FSTL4: variants seen among roughly 807,000 people sequenced by gnomAD.
The protein encoded by FSTL4 is follistatin like 4, also known as follistatin-related protein 4.
Under a neutral mutation model 78.2 loss-of-function variants are expected in FSTL4, and 28 were observed. That is an observed-to-expected ratio of 0.36 (90% CI 0.27 to 0.49). The LOEUF is 0.49. Among genes scored for constraint, FSTL4 ranks in the 20% least tolerant of loss-of-function variants. The probability of loss-of-function intolerance (pLI) is 0.98; values close to 1 mark genes in which losing one functional copy is unlikely to be tolerated. For missense variants in FSTL4, 922 were observed against 1,084.9 expected, an observed-to-expected ratio of 0.85 and a Z score of 2.11; for synonymous variants, 422 against 440.5, an observed-to-expected ratio of 0.96 and a Z score of 0.53.
At chr5:133,764,883 G>A in the FSTL4 span, among the ~76,000 whole-genome samples, 1 of 152,214 alleles carries the variant, frequency 6.6e-6, no homozygotes, top group Non-Finnish European at 1.5e-5. Flanking sequence ...TATGCATTCT[G>A]GAATGTGAAC....
chr5:133,199,201 G>A lies in FSTL4; in HGVS notation c.2423C>T (p.Pro808Leu). The A allele has an allele frequency of 6.2e-7, 1 of 1,612,972 alleles. No individual in the cohort carries two copies. Among genetic ancestry groups the A allele is most frequent in the Non-Finnish European group, 8.5e-7 (1 of 1,179,136 alleles). The part of the protein sequence containing the change: ...SGLFGQYLLT[P>L]ARESLFLING... ...GATGAGGAACAGTGACTCTCGGGCT[G>A]GTGTGAGGAGGTACTGTCCAAACAG... Residue 808 changes from proline (P) to leucine (L), a missense_variant, in exon 16 of 16, where the codon CCA becomes CTA. By Grantham distance (98) the Pro-to-Leu change is moderately conservative (BLOSUM62 -3). Transcript: ENST00000265342. The surrounding 1 kb of genome is among the most constrained non-coding windows in gnomAD (Gnocchi z 4.4).
intron 3 of FSTL4, among the ~76,000 whole-genome samples, chr5:133,490,910 C>A (rs1275945732): frequency 6.6e-6 from 1 of 152,030 alleles, no homozygotes; most frequent in African/African-American, 2.4e-5. Flanking sequence ...TGAGTATACA[C>A]GGACACAAAG....
At chr5:133,792,042 C>T in the FSTL4 span, among the ~76,000 whole-genome samples, 69,825 of 152,092 alleles carry the variant, frequency 0.46, 18,343 homozygotes, top group Middle Eastern at 0.67. Context: ...TTTGGAGAGT[C>T]AGCTAATTTG....
intron 8 of FSTL4, 128 bp downstream of exon 8, chr5:133,233,289 G>A: frequency 1.9e-6 from 2 of 1,044,192 alleles, no homozygotes; most frequent in Non-Finnish European, 2.8e-6. Context: ...TTACTTATAA[G>A]AGAGATGATA....
At chr5:133,596,477 T>A (rs1760739162) in intron 2 of FSTL4, among the ~76,000 whole-genome samples, 2 of 152,190 alleles carry the variant, frequency 1.3e-5, no homozygotes, top group Non-Finnish European at 2.9e-5. Context: ...GTTTTCAATC[T>A]AGATCCCAAA....
At chr5:133,447,611 C>T (rs1459012272) in intron 3 of FSTL4, among the ~76,000 whole-genome samples, 1 of 152,202 alleles carries the variant, frequency 6.6e-6, no homozygotes, top group East Asian at 1.9e-4. Flanking sequence ...GCAATCTCAG[C>T]TCACTGCAAC....
chr5:133,607,353 ACTAT>A (rs1334819008), intron 1 of FSTL4, among the ~76,000 whole-genome samples: 4 of 152,172 alleles, frequency 2.6e-5, no homozygotes, highest in African/African-American at 4.8e-5. Flanking sequence ...TCAAATAGAG[ACTAT>A]CTATTTGGTT....
intron 7 of FSTL4, among the ~76,000 whole-genome samples, chr5:133,239,047 G>A (rs1031563733): frequency 3.3e-5 from 5 of 152,210 alleles, no homozygotes; most frequent in Non-Finnish European, 7.3e-5. Flanking sequence ...CGTGAGTTTC[G>A]GGTGGGCATG....
At chr5:133,342,656 C>T (rs1754607571) in intron 4 of FSTL4, among the ~76,000 whole-genome samples, 1 of 152,288 alleles carries the variant, frequency 6.6e-6, no homozygotes, top group Admixed American at 6.5e-5. Context: ...TGAGCAGAGA[C>T]ACCCCAGACA....
At chr5:133,559,944 G>A (rs376257544) in intron 3 of FSTL4, among the ~76,000 whole-genome samples, 6 of 152,220 alleles carry the variant, frequency 3.9e-5, no homozygotes, top group Non-Finnish European at 5.9e-5. Context: ...GGAAGGCCCT[G>A]TATCTGTGAT....
At chr5:133,435,107 C>A (rs530808545) in intron 3 of FSTL4, among the ~76,000 whole-genome samples, 2 of 152,262 alleles carry the variant, frequency 1.3e-5, no homozygotes, top group South Asian at 4.1e-4. Context: ...ATATATCAAC[C>A]ATGTCTCTAA....
At chr5:133,589,467 C>T (rs1413312293) in intron 2 of FSTL4, among the ~76,000 whole-genome samples, 1 of 152,082 alleles carries the variant, frequency 6.6e-6, no homozygotes, top group Non-Finnish European at 1.5e-5. Flanking sequence ...AGGGCAGTAG[C>T]TGCCAAGTCC....
At chr5:133,752,434 T>C in the FSTL4 span, among the ~76,000 whole-genome samples, 1 of 152,024 alleles carries the variant, frequency 6.6e-6, no homozygotes, top group East Asian at 1.9e-4. Flanking sequence ...CTGGCCAACA[T>C]GGTGAAACCC....
At chr5:133,548,058 G>A (rs1480205993) in intron 3 of FSTL4, among the ~76,000 whole-genome samples, 2 of 152,134 alleles carry the variant, frequency 1.3e-5, no homozygotes, top group African/African-American at 4.8e-5. Context: ...CATGGGAAGT[G>A]GGCATGGAAG....
intron 6 of FSTL4, chr5:133,275,948 A>G (rs1480447810): frequency 6.6e-6 from 1 of 152,220 alleles, no homozygotes; most frequent in East Asian, 1.9e-4. Flanking sequence ...ACTTTGTCCC[A>G]TTAAATTAAT....
the FSTL4 span, among the ~76,000 whole-genome samples, chr5:133,661,417 A>T: frequency 2.6e-5 from 4 of 152,264 alleles, no homozygotes; most frequent in Admixed American, 6.5e-5. Flanking sequence ...AGGATTAAAC[A>T]GCACCATGCC....
intron 3 of FSTL4, among the ~76,000 whole-genome samples, chr5:133,525,148 T>C (rs1759064383): frequency 1.3e-5 from 2 of 152,232 alleles, no homozygotes; most frequent in African/African-American, 4.8e-5. Context: ...CTACCATTAA[T>C]TATGTATCCC....
chr5:133,384,050 T>C, intron 4 of FSTL4, among the ~76,000 whole-genome samples: 1 of 152,208 alleles, frequency 6.6e-6, no homozygotes, highest in Admixed American at 6.5e-5. Context: ...AGAAGACTGC[T>C]GGGAAAAATG....
the FSTL4 span, among the ~76,000 whole-genome samples, chr5:133,762,507 A>G: frequency 0.63 from 96,389 of 152,030 alleles, 30,812 homozygotes; most frequent in Non-Finnish European, 0.67. Context: ...CTGGCCCTGT[A>G]TATCAGTTGG....
Sources: allele counts gnomAD v4.1 joint callset (sites outside exome capture counted in the v4.1 genomes callset), GRCh38; gene constraint gnomAD v4.1.1; non-coding constraint Gnocchi (gnomAD v3.1); transcripts MANE v1.5; gene names NCBI Gene and HGNC (gene_info 2026-07-23, HGNC 2026-07-21).